The following LIN28B variants were observed in gnomAD, a reference collection of about 807,000 sequenced individuals.
The protein encoded by LIN28B is lin-28 RNA binding posttranscriptional regulator B, also known as protein lin-28 homolog B.
LIN28B carries 5 observed loss-of-function variants against 21.9 expected under a neutral mutation model. The observed-to-expected ratio is 0.23, with a 90% confidence interval of 0.12 to 0.48. LIN28B has a LOEUF of 0.48. Ranked by LOEUF, LIN28B falls within the 20% of genes least tolerant of loss-of-function variation. The probability of loss-of-function intolerance (pLI) is 0.98; values close to 1 mark genes in which losing one functional copy is unlikely to be tolerated. For missense variants in LIN28B, 245 were observed against 310.5 expected, an observed-to-expected ratio of 0.79 and a Z score of 1.58; for synonymous variants, 109 against 111.3, an observed-to-expected ratio of 0.98 and a Z score of 0.13.
chr6:104,950,961 AG>A (rs1269584748), intron 3 of LIN28B, among the ~76,000 whole-genome samples: 1 of 152,240 alleles, frequency 6.6e-6, no homozygotes, highest in African/African-American at 2.4e-5. Context: ...TAACAGAAAT[AG>A]CACAATATAT....
intron 3 of LIN28B, among the ~76,000 whole-genome samples, chr6:105,048,152 G>C (rs1771810643): frequency 1.3e-5 from 2 of 152,110 alleles, no homozygotes; most frequent in Admixed American, 6.5e-5. Context: ...ATTGGCTGTG[G>C]GTTTGTCATA....
At chr6:105,068,987 C>G (rs1772276244) in intron 3 of LIN28B, among the ~76,000 whole-genome samples, 1 of 152,020 alleles carries the variant, frequency 6.6e-6, no homozygotes, top group Admixed American at 6.6e-5. Context: ...GAGGCCGAGG[C>G]AGGCAGATCA....
chr6:105,012,129 G>T (rs1770935738), intron 2 of LIN28B, among the ~76,000 whole-genome samples: 1 of 151,910 alleles, frequency 6.6e-6, no homozygotes, highest in Non-Finnish European at 1.5e-5. Flanking sequence ...CTGCACTTCA[G>T]CCTGGGTGAC....
chr6:105,072,403 T>C (rs1772349255), intron 3 of LIN28B, among the ~76,000 whole-genome samples: 1 of 152,182 alleles, frequency 6.6e-6, no homozygotes, highest in South Asian at 2.1e-4. Context: ...GTTTATTATT[T>C]CTGTTATTAC....
chr6:104,968,390 T>A (rs1184732733), intron 2 of LIN28B, among the ~76,000 whole-genome samples: 1 of 152,234 alleles, frequency 6.6e-6, no homozygotes, highest in African/African-American at 2.4e-5. Flanking sequence ...GTTTTTCACA[T>A]TTCATGTGGA....
chr6:104,972,649 G>A (rs990383923), intron 2 of LIN28B, among the ~76,000 whole-genome samples: 10 of 151,974 alleles, frequency 6.6e-5, no homozygotes, highest in African/African-American at 2.4e-4. Flanking sequence ...TTGATTTCTA[G>A]ATTTTCTTTC....
chr6:105,049,110 G>A lies in LIN28B; in HGVS notation c.383+22628G>A, dbSNP rs564886529. ...TCTAGTTCTTTTGTGATGTTAGAGT[G>A]TCAATTTTAGATCTTTCCTGCTTTC... On this transcript the variant is annotated intron_variant, in intron 3 of 3. Transcript: ENST00000345080. 1.3e-4 allele frequency among the ~76,000 whole-genome samples: 20 copies of A among 152,234 alleles called. No individual in the cohort carries two copies. In the South Asian group the frequency reaches 3.7e-3, roughly 28 times the overall value.
intron 3 of LIN28B, among the ~76,000 whole-genome samples, chr6:105,055,537 T>C (rs1046763495): frequency 2.6e-5 from 4 of 152,180 alleles, no homozygotes; most frequent in East Asian, 1.9e-4. Context: ...CAGGCTTTGT[T>C]GTCTGGCAGA....
chr6:104,957,213 C>T lies in LIN28B; in HGVS notation c.-38C>T, dbSNP rs1778302168. The T allele has an allele frequency of 1.9e-6, 3 of 1,613,824 alleles. No individual in the cohort carries two copies. The highest frequency in any genetic ancestry group is 1.3e-5 in the African/African-American group (1 of 74,904). On this transcript the variant is annotated 5_prime_UTR_variant, in exon 1 of 4. Coordinates refer to ENST00000345080, the MANE Select transcript of LIN28B (RefSeq NM_001004317.4). ...CACTCCGTTCCAAAGGGAAAGTTTT[C>T]ATCTCACGAGTTTGGAGCTGAGGGC...
At chr6:104,973,603 C>CAGCAGAAAGTGTCTGTCTTT (rs1313737619) in intron 2 of LIN28B, among the ~76,000 whole-genome samples, 2 of 152,224 alleles carry the variant, frequency 1.3e-5, no homozygotes, top group Non-Finnish European at 2.9e-5. Flanking sequence ...AGCAATCACT[C>CAGCAGAAAGTGTCTGTCTTT]AGCAGAAAGT....
intron 3 of LIN28B, among the ~76,000 whole-genome samples, chr6:105,044,684 A>G (rs909198256): frequency 2.6e-5 from 4 of 152,146 alleles, no homozygotes; most frequent in African/African-American, 9.7e-5. Context: ...CAGTCATTGG[A>G]AATTACTGTT....
At chr6:104,945,503 A>G (rs972022875) in intron 2 of LIN28B, among the ~76,000 whole-genome samples, 4 of 152,054 alleles carry the variant, frequency 2.6e-5, no homozygotes, top group Non-Finnish European at 4.4e-5. Context: ...ACCTAGAATC[A>G]TTTTTGTTTA....
In LIN28B at chr6:105,083,315, A is replaced by G. The variant is rs1365139879; in HGVS notation, c.*4532A>G. The G allele has an allele frequency of 2.0e-5, 3 of 152,244 alleles. No individual in the cohort carries two copies. Among genetic ancestry groups the G allele is most frequent in the East Asian group, 1.9e-4 (1 of 5,202 alleles). 9.4% of individuals were successfully genotyped at this position (152,244 alleles called of 1,614,324 possible). A position where few individuals can be genotyped will look rare whatever the true frequency, so the allele number is the denominator to read the frequency against. Reference sequence around the variant, plus strand: ...AAAATTACTTGATTAAAAATAAAACATATAACGTTGGCATTTATGATGGGT... The same window carrying G: ...AAAATTACTTGATTAAAAATAAAACGTATAACGTTGGCATTTATGATGGGT... On this transcript the variant is annotated 3_prime_UTR_variant, in exon 4 of 4. Coordinates refer to ENST00000345080, the MANE Select transcript of LIN28B (RefSeq NM_001004317.4).
rs1272685584 is a variant in LIN28B at position 105,079,089 on chromosome 6, G to C, written c.*306G>C. On this transcript the variant is annotated 3_prime_UTR_variant, in exon 4 of 4. Transcript: ENST00000345080. ...AGGAATGTAGACACATATATAAAGA[G>C]GCTTTGTCTTTATATATTTGTGTAT... 2.1e-5 allele frequency: 5 copies of C among 236,210 alleles called. No individual in the cohort carries two copies. Among genetic ancestry groups the C allele is most frequent in the Non-Finnish European group, 4.1e-5 (5 of 121,268 alleles). 14.6% of individuals were successfully genotyped at this position (236,210 alleles called of 1,614,324 possible). A position where few individuals can be genotyped will look rare whatever the true frequency, so the allele number is the denominator to read the frequency against.
chr6:105,049,836 G>T (rs903137866), intron 3 of LIN28B, among the ~76,000 whole-genome samples: 1 of 151,966 alleles, frequency 6.6e-6, no homozygotes, highest in African/African-American at 2.4e-5. Flanking sequence ...CTGCCTTTTT[G>T]TGTTTTCCAT....
chr6:104,957,843 T>A (rs1778312653), intron 1 of LIN28B, among the ~76,000 whole-genome samples: 1 of 152,006 alleles, frequency 6.6e-6, no homozygotes, highest in African/African-American at 2.4e-5. Context: ...GTTAAATGAA[T>A]AAGTACACGT....
At chr6:104,964,140 G>A (rs978937761) in intron 2 of LIN28B, among the ~76,000 whole-genome samples, 2 of 152,108 alleles carry the variant, frequency 1.3e-5, no homozygotes, top group African/African-American at 2.4e-5. Context: ...TATTTTAACC[G>A]AGCAGCTCTT....
At chr6:104,954,560 T>C (rs1443281303), upstream of LIN28B, among the ~76,000 whole-genome samples, 1 of 152,170 alleles carries the variant, frequency 6.6e-6, no homozygotes, top group East Asian at 1.9e-4. Flanking sequence ...CCCCAAGGTA[T>C]GTAAATGCAT....
At position 105,078,813 on chromosome 6, in the gene LIN28B, C is replaced by A; in HGVS notation, c.*30C>A. 4 of 1,588,980 alleles carry A rather than the reference C, an allele frequency of 2.5e-6. No homozygotes were observed. Among genetic ancestry groups the A allele is most frequent in the South Asian group, 1.1e-5 (1 of 87,650 alleles). ...TCTTCTTCATATGTTCTTTCCTTTA[C>A]CCGGTTGCAAAGTCTACCTCATGCA... On this transcript the variant is annotated 3_prime_UTR_variant, in exon 4 of 4. Coordinates refer to ENST00000345080, the MANE Select transcript of LIN28B (RefSeq NM_001004317.4).
Sources: gnomAD v4.1 joint callset for allele counts (sites outside exome capture counted in the v4.1 genomes callset) on GRCh38, gnomAD v4.1.1 for gene constraint, MANE v1.5 for transcripts, NCBI Gene and HGNC (gene_info 2026-07-23, HGNC 2026-07-21) for gene names.